Variants in EMSY observed in about 807,000 individuals in gnomAD.
The protein encoded by EMSY is BRCA2-interacting transcriptional repressor EMSY.
A neutral mutation model predicts 134.6 loss-of-function variants in EMSY; 26 were observed. The observed-to-expected ratio is 0.19, with a 90% CI of 0.14 to 0.27. EMSY has a LOEUF of 0.27. Among genes scored for constraint, EMSY ranks in the 10% least tolerant of loss-of-function variants. EMSY has a pLI of 1.00. For synonymous variants in EMSY, 579 were observed against 577.8 expected, an observed-to-expected ratio of 1.00 and a Z score of -0.03; for missense variants, 1,305 against 1,611.4, an observed-to-expected ratio of 0.81 and a Z score of 3.26.
chr11:76,481,006 C>T (rs144666038), intron 8 of EMSY, among the ~76,000 whole-genome samples: 10 of 152,250 alleles, frequency 6.6e-5, no homozygotes, highest in Non-Finnish European at 1.2e-4. Flanking sequence ...GGGCAGACAC[C>T]GAGCTAGCTG....
chr11:76,475,933 A>G (rs1193776984), intron 8 of EMSY, among the ~76,000 whole-genome samples: 1 of 152,218 alleles, frequency 6.6e-6, no homozygotes, highest in Non-Finnish European at 1.5e-5. Context: ...CCATGTTTGT[A>G]AGTGTAGTGA....
intron 14 of EMSY, among the ~76,000 whole-genome samples, chr11:76,533,730 A>T (rs1338330551): frequency 6.6e-6 from 1 of 152,132 alleles, no homozygotes; most frequent in Non-Finnish European, 1.5e-5. Context: ...GTATCCAACA[A>T]ACACTTGTTC....
At chr11:76,536,146 TTAC>T in intron 15 of EMSY, 87 bp downstream of exon 16, 1 of 833,230 alleles carries the variant, frequency 1.2e-6, no homozygotes, top group South Asian at 5.5e-5. Flanking sequence ...TTATTTATTA[TTAC>T]TATTATTTAT....
chr11:76,546,468 C>A (rs1322910739), intron 20 of EMSY, among the ~76,000 whole-genome samples, 171 bp downstream of exon 21: 1 of 152,076 alleles, frequency 6.6e-6, no homozygotes, highest in Admixed American at 6.5e-5. Flanking sequence ...TACAAAAATA[C>A]AAATTTATTT....
intron 8 of EMSY, among the ~76,000 whole-genome samples, chr11:76,494,884 T>G (rs1357764655): frequency 6.6e-6 from 1 of 152,100 alleles, no homozygotes; most frequent in African/African-American, 2.4e-5. Flanking sequence ...TACAGGTGCC[T>G]GCCACCGTGC....
exon 9 of EMSY, chr11:76,496,343 T>TATC (rs1949654106): frequency 6.2e-7 from 1 of 1,614,200 alleles, no homozygotes; most frequent in Non-Finnish European, 8.5e-7. Flanking sequence ...GCAGCAGTTA[T>TATC]ATCAAGTGCA....
At chr11:76,526,765 T>A (rs1463272148) in intron 13 of EMSY, 130 bp downstream of exon 14, 1 of 903,574 alleles carries the variant, frequency 1.1e-6, no homozygotes, top group Non-Finnish European at 1.6e-6. Context: ...TATGTTTGAA[T>A]GTGTTAATTA....
intron 8 of EMSY, among the ~76,000 whole-genome samples, chr11:76,480,572 C>T (rs1266299460): frequency 1.3e-5 from 2 of 152,166 alleles, no homozygotes; most frequent in Admixed American, 1.3e-4. Context: ...GCCAAGGTAT[C>T]CTTAGACCAG....
chr11:76,472,474 C>G lies in EMSY; in HGVS notation c.832-90C>G, dbSNP rs1043830152. The G allele has an allele frequency of 5.8e-6, 7 of 1,213,444 alleles. No individual in the cohort carries two copies. The African/African-American group carries it at 1.1e-4, about 19-fold the overall frequency. 75.2% of individuals were successfully genotyped at this position (1,213,444 alleles called of 1,614,324 possible). A position where few individuals can be genotyped will look rare whatever the true frequency, so the allele number is the denominator to read the frequency against. ...GAATTGCTTCTTCGTTTTTCATAAG[C>G]TATTTTTAAATTATATATAACTAAC... On this transcript the variant is annotated intron_variant, in intron 7 of 20. Coordinates refer to ENST00000334736, the Ensembl canonical transcript of EMSY.
intron 14 of EMSY, among the ~76,000 whole-genome samples, chr11:76,529,191 C>G (rs1310301795): frequency 6.6e-6 from 1 of 152,100 alleles, no homozygotes; most frequent in Admixed American, 6.6e-5. Context: ...ATCTTAACTG[C>G]CCTTATCCTT....
intron 1 of EMSY, 130 bp from the exon 2 acceptor site, chr11:76,446,770 G>T: frequency 1.7e-6 from 1 of 571,886 alleles, no homozygotes; most frequent in South Asian, 2.3e-5. Flanking sequence ...GTGTGGTGGT[G>T]AGAAAGGATT....
chr11:76,502,688 C>G (rs1949920354), intron 9 of EMSY, among the ~76,000 whole-genome samples: 1 of 151,776 alleles, frequency 6.6e-6, no homozygotes, highest in East Asian at 1.9e-4. Flanking sequence ...ACTAACAATT[C>G]CATTTATAAT....
intron 20 of EMSY, 40 bp downstream of exon 21, chr11:76,546,337 G>T: frequency 6.4e-7 from 1 of 1,566,442 alleles, no homozygotes; most frequent in Non-Finnish European, 8.6e-7. Context: ...TGTGCATCTT[G>T]GGGGTTGTGG....
At chr11:76,477,287 TG>T (rs1227251166) in intron 8 of EMSY, among the ~76,000 whole-genome samples, 13 of 150,870 alleles carry the variant, frequency 8.6e-5, no homozygotes, top group Admixed American at 6.6e-5. Context: ...TTTTTGTTTT[TG>T]TTTTTTGTTT....
chr11:76,450,820 A>C (rs1273247157), intron 2 of EMSY, among the ~76,000 whole-genome samples: 5 of 134,848 alleles, frequency 3.7e-5, no homozygotes, highest in Admixed American at 2.3e-4. Context: ...TTAAGACAGG[A>C]TCTCGCTCAG....
intron 9 of EMSY, chr11:76,496,727 A>G (rs1027689486): frequency 1.2e-5 from 6 of 491,930 alleles, no homozygotes; most frequent in African/African-American, 9.8e-5. Flanking sequence ...TAGTATATAA[A>G]AATAGTATTG....
intron 7 of EMSY, among the ~76,000 whole-genome samples, chr11:76,468,932 G>T (rs1011652913): frequency 6.6e-6 from 1 of 152,144 alleles, no homozygotes; most frequent in Non-Finnish European, 1.5e-5. Flanking sequence ...AATAAACACT[G>T]TTTGGTTCAC....
At chr11:76,516,067 A>G in intron 10 of EMSY, 75 bp from the exon 12 acceptor site, 1 of 1,251,772 alleles carries the variant, frequency 8.0e-7, no homozygotes, top group Admixed American at 2.2e-5. Context: ...ATATGGAATT[A>G]CAGTTAAACT....
intron 11 of EMSY, among the ~76,000 whole-genome samples, chr11:76,521,348 G>A (rs1165105657): frequency 6.6e-6 from 1 of 152,194 alleles, no homozygotes; most frequent in Non-Finnish European, 1.5e-5. Context: ...TTCTTGGCAT[G>A]ATAAGTTTAG....
Sources: gnomAD v4.1 joint callset for allele counts (sites outside exome capture counted in the v4.1 genomes callset) on GRCh38, gnomAD v4.1.1 for gene constraint, MANE v1.5 for transcripts, NCBI Gene and HGNC (gene_info 2026-07-23, HGNC 2026-07-21) for gene names.